CAPS2: variants seen among roughly 807,000 people sequenced by gnomAD.
CAPS2 encodes the protein calcyphosine 2.
CAPS2 carries 98 observed loss-of-function variants against 86.5 expected under a neutral mutation model. The observed-to-expected ratio is 1.13, with a 90% CI of 0.96 to 1.34. The LOEUF (loss-of-function observed/expected upper bound fraction) is 1.34. CAPS2 is among the 40% of genes most tolerant of loss of function. The probability of loss-of-function intolerance (pLI) is 0.00; values close to 1 mark genes in which losing one functional copy is unlikely to be tolerated. For synonymous variants in CAPS2, 210 were observed against 225.1 expected, an observed-to-expected ratio of 0.93 and a Z score of 0.60; for missense variants, 729 against 686.8, an observed-to-expected ratio of 1.06 and a Z score of -0.69.
At chr12:75,280,206 T>C (rs1246213997) in intron 16 of CAPS2, among the ~76,000 whole-genome samples, 3 of 152,074 alleles carry the variant, frequency 2.0e-5, no homozygotes, top group African/African-American at 7.2e-5. Flanking sequence ...TTTTCTATAG[T>C]TAAAATTAAA....
rs764644644 is a variant in CAPS2 at position 75,343,787 on chromosome 12, A to C, written c.-394-20565T>G. ...TGTTTGGATAAATCATATAAATGCT[A>C]TGCAGCTTTTGAATATGTTGGAGAA... On this transcript the variant is annotated intron_variant, in intron 1 of 5. Coordinates refer to the CAPS2 transcript ENST00000551829. The C allele has an allele frequency of 3.1e-6, 5 of 1,612,814 alleles. No homozygotes were observed. The South Asian group carries it at 4.4e-5, about 14-fold the overall frequency.
chr12:75,346,855 T>G (rs1294102422), intron 1 of CAPS2, among the ~76,000 whole-genome samples: 1 of 152,196 alleles, frequency 6.6e-6, no homozygotes, highest in Non-Finnish European at 1.5e-5. Flanking sequence ...GAAATTTGTG[T>G]TGTTAAAATT....
exon 13 of CAPS2, chr12:75,291,746 T>G: frequency 6.5e-7 from 1 of 1,544,036 alleles, no homozygotes; most frequent in Non-Finnish European, 8.8e-7. Flanking sequence ...ACACATACCT[T>G]GAATTGCTTT....
intron 1 of CAPS2, among the ~76,000 whole-genome samples, chr12:75,368,761 T>TAAG (rs1179772251): frequency 6.6e-6 from 1 of 151,996 alleles, no homozygotes; most frequent in Non-Finnish European, 1.5e-5. Flanking sequence ...ACAGTGTGTA[T>TAAG]AAGATTCTGA....
At chr12:75,338,388 G>A (rs953855931) in intron 1 of CAPS2, among the ~76,000 whole-genome samples, 1 of 152,002 alleles carries the variant, frequency 6.6e-6, no homozygotes, top group Non-Finnish European at 1.5e-5. Context: ...TGGATTGGGG[G>A]AATTTAATTG....
exon 10 of CAPS2, chr12:75,298,875 T>G: frequency 1.2e-6 from 2 of 1,608,558 alleles, no homozygotes; most frequent in South Asian, 1.1e-5. Context: ...GCATACCTAT[T>G]TTTCCCAAAT....
At chr12:75,323,126 T>G in intron 3 of CAPS2, 51 bp downstream of exon 4, 1 of 1,485,814 alleles carries the variant, frequency 6.7e-7, no homozygotes, top group Non-Finnish European at 9.2e-7. Flanking sequence ...ATATGCTATG[T>G]GTAATATTGT....
intron 1 of CAPS2, among the ~76,000 whole-genome samples, chr12:75,381,150 T>C (rs2044946458): frequency 6.6e-6 from 1 of 152,180 alleles, no homozygotes; most frequent in South Asian, 2.1e-4. Context: ...GGGGCCAGTC[T>C]TTCCTGTGCT....
chr12:75,381,036 T>G (rs2044936650), intron 1 of CAPS2, among the ~76,000 whole-genome samples: 1 of 152,206 alleles, frequency 6.6e-6, no homozygotes, highest in African/African-American at 2.4e-5. Context: ...TTTTAGAGAC[T>G]GATATGGTCT....
In CAPS2 at chr12:75,312,943, A is replaced by T. The variant is rs538347319; in HGVS notation, c.592-28T>A. The T allele has an allele frequency of 2.2e-6, 3 of 1,357,466 alleles. No homozygotes were observed. In the African/African-American group the frequency reaches 4.3e-5, roughly 19 times the overall value. The allele number at this position is 1,357,466 out of a possible 1,614,324, so 84.1% of individuals were successfully genotyped here. On this transcript the variant is annotated intron_variant, in intron 6 of 16. Coordinates refer to ENST00000393284, the Ensembl canonical transcript of CAPS2. Reference sequence around the variant, plus strand: ...GGGAAGATTAAATAAAGACAACTTCACCATCCATAAAGCAGAACCATACAA... The same window carrying T: ...GGGAAGATTAAATAAAGACAACTTCTCCATCCATAAAGCAGAACCATACAA...
At chr12:75,335,039 C>T (rs2139216472), upstream of CAPS2, 1 of 777,582 alleles carries the variant, frequency 1.3e-6, no homozygotes, top group East Asian at 2.7e-5. Context: ...AAAATTCACA[C>T]CTTGGTTGGG....
chr12:75,325,724 T>G (rs892324712), intron 1 of CAPS2, among the ~76,000 whole-genome samples: 10 of 151,744 alleles, frequency 6.6e-5, no homozygotes, highest in Admixed American at 6.6e-5. Flanking sequence ...AGAAAGAAAA[T>G]TGGTTCAGCT....
At chr12:75,290,101 T>C (rs191129422) in intron 13 of CAPS2, among the ~76,000 whole-genome samples, 15 of 152,324 alleles carry the variant, frequency 9.8e-5, no homozygotes, top group African/African-American at 3.4e-4. Context: ...GATTTTGTTG[T>C]GTAGACAACC....
intron 1 of CAPS2, chr12:75,364,663 G>A (rs1249490459): frequency 6.6e-6 from 1 of 152,186 alleles, no homozygotes; most frequent in Non-Finnish European, 1.5e-5. Flanking sequence ...TTGAGCTGCT[G>A]TAATCTTGGT....
At chr12:75,287,835 T>A (rs1033419390) in intron 14 of CAPS2, among the ~76,000 whole-genome samples, 44 of 152,274 alleles carry the variant, frequency 2.9e-4, no homozygotes, top group African/African-American at 1.0e-3. Context: ...AATTAGTTGA[T>A]CACAAGTTCC....
intron 7 of CAPS2, among the ~76,000 whole-genome samples, chr12:75,308,832 T>C (rs1259068931): frequency 1.5e-5 from 2 of 133,064 alleles, no homozygotes; most frequent in Non-Finnish European, 3.1e-5. Context: ...AAAAAATGAG[T>C]AAGGCGCTTG....
chr12:75,316,647 A>G (rs951430923), intron 5 of CAPS2, among the ~76,000 whole-genome samples: 3 of 152,150 alleles, frequency 2.0e-5, no homozygotes, highest in Non-Finnish European at 4.4e-5. Context: ...ACTTATAGAT[A>G]AAATGCGAAT....
chr12:75,341,764 T>TG (rs2139320717), intron 1 of CAPS2, among the ~76,000 whole-genome samples: 1 of 144,256 alleles, frequency 6.9e-6, no homozygotes, highest in South Asian at 2.3e-4. Flanking sequence ...TTTTTTTTTT[T>TG]TTTTTTTGAG....
At chr12:75,370,319 C>CA (rs1235193207) in intron 1 of CAPS2, 34 of 551,396 alleles carry the variant, frequency 6.2e-5, no homozygotes, top group East Asian at 4.5e-4. Flanking sequence ...GTTTTTAACT[C>CA]AAAAAATGTA....
Sources: allele counts gnomAD v4.1 joint callset (sites outside exome capture counted in the v4.1 genomes callset), GRCh38; gene constraint gnomAD v4.1.1; transcripts MANE v1.5; gene names NCBI Gene and HGNC (gene_info 2026-07-23, HGNC 2026-07-21).